PHACTR3: variants seen among roughly 807,000 people sequenced by gnomAD.
The protein encoded by PHACTR3 is phosphatase and actin regulator 3, also known as protein phosphatase 1, regulatory subunit 123.
A neutral mutation model predicts 66.8 loss-of-function variants in PHACTR3; 16 were observed. The observed-to-expected ratio is 0.24, with a 90% CI of 0.16 to 0.36. The LOEUF is 0.36. PHACTR3 is among the 10% of genes least tolerant of loss of function. The pLI, the probability that PHACTR3 is intolerant of heterozygous loss-of-function variation, is 1.00. For synonymous variants in PHACTR3, 323 were observed against 292.1 expected, an observed-to-expected ratio of 1.11 and a Z score of -1.08; for missense variants, 647 against 719.9, an observed-to-expected ratio of 0.90 and a Z score of 1.16.
upstream of PHACTR3, chr20:59,604,055 C>T (rs1361139132): frequency 1.3e-5 from 2 of 153,098 alleles, no homozygotes; most frequent in East Asian, 3.8e-4. Context: ...CTCCCTCTCC[C>T]CCGCCCCCCC....
chr20:59,712,478 T>A (rs1601164017), intron 1 of PHACTR3, among the ~76,000 whole-genome samples: 1 of 152,306 alleles, frequency 6.6e-6, no homozygotes, highest in East Asian at 1.9e-4. Flanking sequence ...TTTTTTATAC[T>A]GTGGTCCCCT....
At chr20:59,690,289 A>G (rs747743358) in intron 1 of PHACTR3, among the ~76,000 whole-genome samples, 1 of 152,050 alleles carries the variant, frequency 6.6e-6, no homozygotes, top group Non-Finnish European at 1.5e-5. Flanking sequence ...TCATCCTCTC[A>G]TCTTAGCCTC....
At chr20:59,786,077 C>A (rs2040904656) in intron 7 of PHACTR3, among the ~76,000 whole-genome samples, 1 of 152,372 alleles carries the variant, frequency 6.6e-6, no homozygotes, top group East Asian at 1.9e-4. Context: ...ACTTCTGAGT[C>A]AGTTCGGTGT....
chr20:59,738,585 T>G lies in PHACTR3; in HGVS notation c.119-4522T>G, dbSNP rs978843154. The stretch of plus-strand genomic sequence containing the variant: ...ATTCTGTGTGCTACTCCGTTTTGCC[T>G]TGGCTGCTAGGAAGCTCAGGGCACA... On this transcript the variant is annotated intron_variant, in intron 1 of 12. Transcript: ENST00000371015. The surrounding 1 kb of genome is among the most constrained non-coding windows in gnomAD (Gnocchi z 4.4). 2.0e-5 allele frequency among the ~76,000 whole-genome samples: 3 copies of G among 152,092 alleles called. No homozygotes were observed. Among genetic ancestry groups the G allele is most frequent in the Non-Finnish European group, 4.4e-5 (3 of 68,006 alleles).
chr20:59,616,689 GTTGC>G (rs1012390071), intron 1 of PHACTR3, among the ~76,000 whole-genome samples: 1 of 152,226 alleles, frequency 6.6e-6, no homozygotes, highest in Non-Finnish European at 1.5e-5. Context: ...GTTCCTTAGG[GTTGC>G]CTCTGGGCTC....
intron 1 of PHACTR3, among the ~76,000 whole-genome samples, chr20:59,630,465 G>T (rs1301137811): frequency 2.6e-5 from 4 of 152,214 alleles, no homozygotes; most frequent in Non-Finnish European, 5.9e-5. Context: ...TTACAGGCTT[G>T]AGCCACCGTT....
intron 6 of PHACTR3, among the ~76,000 whole-genome samples, chr20:59,773,896 T>G (rs932032858): frequency 1.3e-5 from 2 of 152,234 alleles, no homozygotes; most frequent in African/African-American, 4.8e-5. Flanking sequence ...TGTGAAAGAT[T>G]AGAGGTAAAA....
chr20:59,588,562 A>G lies in PHACTR3; in HGVS notation c.109+10945A>G, dbSNP rs548188732. Reference sequence around the variant, plus strand: ...CTCCCAGGATAAAATCCACGCTTCTACTCATGCTGGGGCAAGAGGCCCTTT... The same window carrying G: ...CTCCCAGGATAAAATCCACGCTTCTGCTCATGCTGGGGCAAGAGGCCCTTT... On this transcript the variant is annotated intron_variant, in intron 1 of 12. Transcript: ENST00000359926. Among the ~76,000 whole-genome samples, 250 of 152,060 alleles carry G rather than the reference A, an allele frequency of 1.6e-3. 2 individuals carry two copies. The highest frequency in any genetic ancestry group is 5.7e-3 in the African/African-American group (236 of 41,464).
chr20:59,692,156 T>C (rs1021170822), intron 1 of PHACTR3, among the ~76,000 whole-genome samples: 16 of 152,320 alleles, frequency 1.1e-4, no homozygotes, highest in Admixed American at 3.9e-4. Context: ...TTCATTGATC[T>C]TGTGGGGAAA....
intron 1 of PHACTR3, among the ~76,000 whole-genome samples, chr20:59,611,205 A>G (rs2033833586): frequency 6.6e-6 from 1 of 152,264 alleles, no homozygotes; most frequent in Non-Finnish European, 1.5e-5. Flanking sequence ...CCTTAAGTTC[A>G]GAATGAGTGA....
intron 4 of PHACTR3, among the ~76,000 whole-genome samples, chr20:59,766,245 C>A (rs76530415): frequency 0.022 from 3,404 of 152,278 alleles, 57 homozygotes; most frequent in Non-Finnish European, 0.035. Flanking sequence ...GGAGGAAGCT[C>A]CTGGCCACGG....
intron 1 of PHACTR3, among the ~76,000 whole-genome samples, chr20:59,590,310 C>T (rs1246200590): frequency 2.6e-5 from 4 of 152,196 alleles, no homozygotes; most frequent in African/African-American, 4.8e-5. Flanking sequence ...AGGTTGTTTC[C>T]ACTTGATCGG....
rs143223729 is a variant in PHACTR3, at chr20:59,679,618, T to G, written c.119-63489T>G. 1.8e-4 allele frequency among the ~76,000 whole-genome samples: 28 copies of G among 152,212 alleles called. 1 individual carries two copies. Among genetic ancestry groups the G allele is most frequent in the African/African-American group, 6.5e-4 (27 of 41,534 alleles). On this transcript the variant is annotated intron_variant, in intron 1 of 12. Coordinates refer to ENST00000371015, the MANE Select transcript of PHACTR3 (RefSeq NM_080672.5). ...TATTAGTCCATTTTTACACTGCTGA[T>G]AAAGACGTACCCAAGACTGGGTAAT...
In PHACTR3 at chr20:59,840,866, CTG is replaced by C. The variant is rs538188512; in HGVS notation, c.1446+439_1446+440del. ...TTTATTAGACTCAAAGGTTTGTTCT[CTG>C]TGACTCAAACAGTTAACATTTACTA... On this transcript the variant is annotated intron_variant, in intron 10 of 12. Coordinates refer to ENST00000371015, the MANE Select transcript of PHACTR3 (RefSeq NM_080672.5). 2.6e-4 allele frequency among the ~76,000 whole-genome samples: 40 copies of C among 152,316 alleles called. 1 individual carries two copies. In the South Asian group the frequency reaches 7.9e-3, roughly 30 times the overall value.
intron 1 of PHACTR3, among the ~76,000 whole-genome samples, chr20:59,714,499 G>C (rs1312588513): frequency 6.6e-6 from 1 of 152,192 alleles, no homozygotes; most frequent in African/African-American, 2.4e-5. Flanking sequence ...TCAGTACACT[G>C]CGTGGGTCTA....
At chr20:59,638,053 C>T (rs1286440631) in intron 1 of PHACTR3, among the ~76,000 whole-genome samples, 2 of 152,142 alleles carry the variant, frequency 1.3e-5, no homozygotes, top group East Asian at 1.9e-4. Flanking sequence ...GCTGCTGGCC[C>T]CAAGGTCTTA....
At chr20:59,611,133 G>A (rs1034987161) in intron 1 of PHACTR3, among the ~76,000 whole-genome samples, 5 of 152,200 alleles carry the variant, frequency 3.3e-5, no homozygotes, top group African/African-American at 1.2e-4. Flanking sequence ...GTGACTTTGG[G>A]CAAGTCACTT....
rs890440038 is a variant in PHACTR3 at position 59,736,645 on chromosome 20, C to T, written c.119-6462C>T. Among the ~76,000 whole-genome samples the T allele has an allele frequency of 6.6e-6, 1 of 152,198 alleles. No homozygotes were observed. Among genetic ancestry groups the T allele is most frequent in the Non-Finnish European group, 1.5e-5 (1 of 68,026 alleles). On this transcript the variant is annotated intron_variant, in intron 1 of 12. Transcript: ENST00000371015. The surrounding 1 kb of genome is among the most constrained non-coding windows in gnomAD (Gnocchi z 4.6). The stretch of plus-strand genomic sequence containing the variant: ...CACTCTGTGCACACCTGCCCACCAG[C>T]ATCCGCAGGCCACACCGTGCCGTGG...
chr20:59,578,419 T>C (rs1195195884), intron 1 of PHACTR3, among the ~76,000 whole-genome samples: 1 of 152,196 alleles, frequency 6.6e-6, no homozygotes, highest in Non-Finnish European at 1.5e-5. Flanking sequence ...GGGGCACTTA[T>C]TACAGATTGT....
Sources: allele counts gnomAD v4.1 joint callset (sites outside exome capture counted in the v4.1 genomes callset), GRCh38; gene constraint gnomAD v4.1.1; non-coding constraint Gnocchi (gnomAD v3.1); transcripts MANE v1.5; gene names NCBI Gene and HGNC (gene_info 2026-07-23, HGNC 2026-07-21).